SHISA6: variants seen among roughly 807,000 people sequenced by gnomAD.
SHISA6 encodes shisa family member 6.
A neutral mutation model predicts 47.9 loss-of-function variants in SHISA6; 22 were observed. The observed-to-expected ratio is 0.46, with a 90% CI of 0.33 to 0.66. The LOEUF (loss-of-function observed/expected upper bound fraction) is 0.66, where lower values mean the gene tolerates loss of function less well. SHISA6 is among the 30% of genes least tolerant of loss of function. The pLI, the probability that SHISA6 is intolerant of heterozygous loss-of-function variation, is 0.02. For synonymous variants in SHISA6, 388 were observed against 337.8 expected, an observed-to-expected ratio of 1.15 and a Z score of -1.63; for missense variants, 680 against 764.6, an observed-to-expected ratio of 0.89 and a Z score of 1.30.
chr17:11,431,930 C>T (rs1914788729), intron 3 of SHISA6, among the ~76,000 whole-genome samples: 2 of 152,172 alleles, frequency 1.3e-5, no homozygotes, highest in South Asian at 4.1e-4. Flanking sequence ...GCCTGTCCAA[C>T]CACCCCCACA....
chr17:11,410,134 T>C (rs1914075250), intron 3 of SHISA6, among the ~76,000 whole-genome samples: 1 of 152,200 alleles, frequency 6.6e-6, no homozygotes, highest in East Asian at 1.9e-4. Context: ...GAATCTCAGA[T>C]TGCTCTTTGA....
intron 3 of SHISA6, among the ~76,000 whole-genome samples, chr17:11,532,924 A>G (rs2860400): frequency 0.79 from 120,536 of 151,756 alleles, 48,698 homozygotes; most frequent in East Asian, 0.95. Context: ...GCAAGACACC[A>G]CATCCAGTTT....
intron 2 of SHISA6, among the ~76,000 whole-genome samples, chr17:11,310,960 T>C (rs1227470262): frequency 6.6e-6 from 1 of 151,862 alleles, no homozygotes; most frequent in Non-Finnish European, 1.5e-5. Context: ...TAGAAAAAAT[T>C]AGCCAGTGTG....
At chr17:11,528,073 A>C (rs911105462) in intron 3 of SHISA6, among the ~76,000 whole-genome samples, 8 of 152,166 alleles carry the variant, frequency 5.3e-5, no homozygotes, top group Non-Finnish European at 1.0e-4. Flanking sequence ...AATCCTAGAG[A>C]GTTCCTTCCA....
At chr17:11,511,075 T>C (rs1031136693) in intron 3 of SHISA6, among the ~76,000 whole-genome samples, 20 of 152,228 alleles carry the variant, frequency 1.3e-4, no homozygotes, top group African/African-American at 3.9e-4. Flanking sequence ...CTTAGAAACA[T>C]GCCTGGTTCG....
intron 3 of SHISA6, among the ~76,000 whole-genome samples, chr17:11,529,788 T>C (rs2071716896): frequency 6.6e-6 from 1 of 152,172 alleles, no homozygotes; most frequent in Admixed American, 6.5e-5. Context: ...GAAATCAATA[T>C]CCTTTATATA....
chr17:11,499,081 G>A (rs1813631302), intron 3 of SHISA6, among the ~76,000 whole-genome samples: 1 of 152,166 alleles, frequency 6.6e-6, no homozygotes, highest in Non-Finnish European at 1.5e-5. Flanking sequence ...CACGTGGACT[G>A]GCTTCTAAGG....
chr17:11,558,359 A>G lies in SHISA6; in HGVS notation c.*55A>G. ...GTGGCAGAGCAGAGCGGGGGCCGGG[A>G]GGGGCCAGGAGCAGAGCTTCTAGCC... On this transcript the variant is annotated 3_prime_UTR_variant, in exon 6 of 6. Transcript: ENST00000441885. The G allele has an allele frequency of 6.7e-7, 1 of 1,492,326 alleles. No homozygotes were observed. Among genetic ancestry groups the G allele is most frequent in the Non-Finnish European group, 8.9e-7 (1 of 1,117,570 alleles). 92.4% of individuals were successfully genotyped at this position (1,492,326 alleles called of 1,614,324 possible). A position where few individuals can be genotyped will look rare whatever the true frequency, so the allele number is the denominator to read the frequency against.
At chr17:11,350,184 T>A (rs1052573492) in intron 2 of SHISA6, among the ~76,000 whole-genome samples, 47 of 101,940 alleles carry the variant, frequency 4.6e-4, no homozygotes, top group Admixed American at 2.2e-3. Context: ...ATTTATTTAT[T>A]TTTTTTTTTT....
At chr17:11,320,859 T>C (rs4392113) in intron 2 of SHISA6, among the ~76,000 whole-genome samples, 111,941 of 152,096 alleles carry the variant, frequency 0.74, 41,365 homozygotes, top group Middle Eastern at 0.77. Context: ...ATACCTTGTT[T>C]TCCAGAGAAT....
At chr17:11,263,909 G>A (rs1258603649) in intron 2 of SHISA6, among the ~76,000 whole-genome samples, 4 of 152,212 alleles carry the variant, frequency 2.6e-5, no homozygotes, top group African/African-American at 9.6e-5. Context: ...GTACCCCAAT[G>A]TAGAGCCTGC....
chr17:11,280,338 A>T (rs775035539), intron 2 of SHISA6, among the ~76,000 whole-genome samples: 1 of 152,232 alleles, frequency 6.6e-6, no homozygotes, highest in Non-Finnish European at 1.5e-5. Flanking sequence ...ATGCATAAAT[A>T]GTTAAATATA....
chr17:11,475,234 G>C (rs1233856714), intron 3 of SHISA6, among the ~76,000 whole-genome samples: 1 of 152,052 alleles, frequency 6.6e-6, no homozygotes, highest in Non-Finnish European at 1.5e-5. Context: ...TGCAAACAAA[G>C]ACAATTTTAT....
chr17:11,241,377 C>T lies in SHISA6; in HGVS notation c.-46C>T. 2 of 1,033,256 alleles carry T rather than the reference C, an allele frequency of 1.9e-6. No individual in the cohort carries two copies. The highest frequency in any genetic ancestry group is 1.7e-5 in the African/African-American group (1 of 57,550). 64.0% of individuals were successfully genotyped at this position (1,033,256 alleles called of 1,614,324 possible). On this transcript the variant is annotated 5_prime_UTR_variant, in exon 1 of 6. Transcript: ENST00000441885. This position sits in a 1 kb window ranked among gnomAD's most constrained non-coding sequence, Gnocchi z 5.5. ...CTCCGAGCCCGGCCCGCCGGGGGAG[C>T]GGCCTGCCGCGGAAGCCTCCCCGCG...
chr17:11,482,878 AT>A (rs1374783302), intron 3 of SHISA6, among the ~76,000 whole-genome samples: 1 of 152,238 alleles, frequency 6.6e-6, no homozygotes, highest in African/African-American at 2.4e-5. Context: ...TATAGGTTTT[AT>A]AATATTTTGA....
chr17:11,439,642 G>A (rs1047972658), intron 3 of SHISA6, among the ~76,000 whole-genome samples: 2 of 152,096 alleles, frequency 1.3e-5, no homozygotes, highest in Admixed American at 1.3e-4. Flanking sequence ...TCTACAAGAC[G>A]GAGACATCAA....
intron 2 of SHISA6, among the ~76,000 whole-genome samples, chr17:11,342,187 G>A (rs1049235272): frequency 6.6e-6 from 1 of 152,120 alleles, no homozygotes; most frequent in African/African-American, 2.4e-5. Context: ...AGAGGTGAAG[G>A]TGTCTAACAT....
chr17:11,264,311 T>A (rs887313674), intron 2 of SHISA6, among the ~76,000 whole-genome samples: 1 of 152,226 alleles, frequency 6.6e-6, no homozygotes. Flanking sequence ...TTAGAAGTAC[T>A]TATATTATCC....
At chr17:11,351,249 G>T (rs1056276562) in intron 2 of SHISA6, among the ~76,000 whole-genome samples, 19 of 152,148 alleles carry the variant, frequency 1.2e-4, no homozygotes, top group Non-Finnish European at 2.4e-4. Context: ...CATGGCACAT[G>T]TATACCTGTG....
Sources: gnomAD v4.1 joint callset for allele counts (sites outside exome capture counted in the v4.1 genomes callset) on GRCh38, gnomAD v4.1.1 for gene constraint, Gnocchi (gnomAD v3.1) non-coding constraint, MANE v1.5 for transcripts, NCBI Gene and HGNC (gene_info 2026-07-23, HGNC 2026-07-21) for gene names.